TMEM132D: variants seen among roughly 807,000 people sequenced by gnomAD.
The protein encoded by TMEM132D is transmembrane protein 132D.
Under a neutral mutation model 62.3 loss-of-function variants are expected in TMEM132D, and 21 were observed. The ratio of observed to expected loss-of-function variants is 0.34; its 90% CI spans 0.24 to 0.49. TMEM132D has a LOEUF of 0.49. Ranked by LOEUF, TMEM132D falls within the 20% of genes least tolerant of loss-of-function variation. The pLI is 0.99. For missense variants in TMEM132D, 1,346 were observed against 1,402.8 expected, an observed-to-expected ratio of 0.96 and a Z score of 0.65; for synonymous variants, 621 against 575.6, an observed-to-expected ratio of 1.08 and a Z score of -1.13.
At chr12:129,629,096 C>T (rs1045588500) in intron 2 of TMEM132D, among the ~76,000 whole-genome samples, 1 of 152,110 alleles carries the variant, frequency 6.6e-6, no homozygotes, top group East Asian at 1.9e-4. Flanking sequence ...TACCCACCTT[C>T]GTGCCACCCT....
At chr12:129,556,833 T>C (rs1051697095) in intron 2 of TMEM132D, among the ~76,000 whole-genome samples, 1 of 152,186 alleles carries the variant, frequency 6.6e-6, no homozygotes, top group Non-Finnish European at 1.5e-5. Context: ...ACGGTGAAGT[T>C]AGAGAACACT....
intron 1 of TMEM132D, among the ~76,000 whole-genome samples, chr12:129,798,579 C>T (rs1871634542): frequency 6.6e-6 from 1 of 152,158 alleles, no homozygotes; most frequent in Non-Finnish European, 1.5e-5. Flanking sequence ...CTAATGGGTA[C>T]ATGCACTGTG....
At chr12:129,561,117 AT>A (rs1877213773) in intron 2 of TMEM132D, among the ~76,000 whole-genome samples, 1 of 152,188 alleles carries the variant, frequency 6.6e-6, no homozygotes. Context: ...TGGGGACTTA[AT>A]TTGGTTTGCG....
At chr12:129,466,670 T>G (rs1232972041) in intron 3 of TMEM132D, among the ~76,000 whole-genome samples, 2 of 152,308 alleles carry the variant, frequency 1.3e-5, no homozygotes, top group South Asian at 2.1e-4. Context: ...CGACAGGCAC[T>G]TCAGGCTCCA....
chr12:129,429,828 C>T (rs1305525495), intron 3 of TMEM132D, among the ~76,000 whole-genome samples: 17 of 147,734 alleles, frequency 1.2e-4, no homozygotes, highest in African/African-American at 2.7e-4. Context: ...TGAGAACACG[C>T]GGTGTTTGGT....
At chr12:129,865,516 C>T (rs527329465) in intron 1 of TMEM132D, among the ~76,000 whole-genome samples, 12 of 152,262 alleles carry the variant, frequency 7.9e-5, no homozygotes, top group East Asian at 3.9e-4. Flanking sequence ...AACAGTTCTA[C>T]GAACACTCCA....
At chr12:129,787,368 T>C (rs1436772509) in intron 1 of TMEM132D, among the ~76,000 whole-genome samples, 1 of 152,230 alleles carries the variant, frequency 6.6e-6, no homozygotes, top group Admixed American at 6.5e-5. Flanking sequence ...AGAGCATCTC[T>C]GAATTCTAGC....
At chr12:129,176,051 G>C (rs1288804019) in intron 5 of TMEM132D, among the ~76,000 whole-genome samples, 5 of 152,118 alleles carry the variant, frequency 3.3e-5, no homozygotes, top group South Asian at 4.1e-4. Flanking sequence ...GTTTCCTTTG[G>C]TTGAACTTGG....
intron 3 of TMEM132D, among the ~76,000 whole-genome samples, chr12:129,380,842 A>AT (rs879742060): frequency 1.2e-4 from 19 of 152,086 alleles, no homozygotes; most frequent in Admixed American, 6.5e-4. Context: ...TAGAACTAGA[A>AT]TTTTTTTTCA....
chr12:129,117,440 C>G (rs1875928807), intron 5 of TMEM132D, among the ~76,000 whole-genome samples: 1 of 152,132 alleles, frequency 6.6e-6, no homozygotes, highest in Admixed American at 6.6e-5. Context: ...AAAAAAGGAC[C>G]AGTTCAGGTC....
At chr12:129,596,715 C>T (rs1367506640) in intron 2 of TMEM132D, among the ~76,000 whole-genome samples, 1 of 151,994 alleles carries the variant, frequency 6.6e-6, no homozygotes, top group African/African-American at 2.4e-5. Context: ...TCTTCTATTT[C>T]CCCACTCACT....
chr12:129,265,062 G>GA (rs547476870), intron 4 of TMEM132D, among the ~76,000 whole-genome samples: 11 of 151,034 alleles, frequency 7.3e-5, no homozygotes, highest in South Asian at 2.1e-4. Flanking sequence ...ATAACTTATG[G>GA]AAAAAAAAAT....
chr12:129,783,288 T>C (rs1871170605), intron 1 of TMEM132D, among the ~76,000 whole-genome samples: 1 of 152,190 alleles, frequency 6.6e-6, no homozygotes, highest in Admixed American at 6.5e-5. Flanking sequence ...GTGTTGAGCA[T>C]CCATCTACCT....
intron 1 of TMEM132D, among the ~76,000 whole-genome samples, chr12:129,838,834 C>A (rs1462467331): frequency 6.6e-6 from 1 of 152,122 alleles, no homozygotes; most frequent in Admixed American, 6.5e-5. Context: ...ATAAAACTTA[C>A]TGTTGGCAAG....
intron 3 of TMEM132D, among the ~76,000 whole-genome samples, chr12:129,518,748 T>G (rs571372661): frequency 5.3e-5 from 8 of 152,134 alleles, no homozygotes; most frequent in Non-Finnish European, 1.2e-4. Context: ...TACATTTTGC[T>G]TGTGAAACTG....
chr12:129,088,400 G>GA (rs1384944613), intron 5 of TMEM132D, among the ~76,000 whole-genome samples: 1 of 43,440 alleles, frequency 2.3e-5, no homozygotes, highest in South Asian at 7.8e-4. Context: ...CTATGACCGG[G>GA]TGTCCTCCCT....
At chr12:129,411,402 T>C (rs1239118461) in intron 3 of TMEM132D, among the ~76,000 whole-genome samples, 1 of 152,188 alleles carries the variant, frequency 6.6e-6, no homozygotes, top group Admixed American at 6.5e-5. Context: ...AGGATCTCCC[T>C]CTGTTGCCCA....
intron 3 of TMEM132D, among the ~76,000 whole-genome samples, chr12:129,438,598 C>A (rs1287812786): frequency 6.6e-6 from 1 of 152,118 alleles, no homozygotes; most frequent in Non-Finnish European, 1.5e-5. Flanking sequence ...GGTCGGGATA[C>A]TTCTTTTCCT....
chr12:129,223,819 G>A lies in TMEM132D; in HGVS notation c.1300-14156C>T, dbSNP rs193018808. 6.2e-4 allele frequency among the ~76,000 whole-genome samples: 94 copies of A among 152,212 alleles called. 1 individual carries two copies. The highest frequency in any genetic ancestry group is 2.2e-3 in the African/African-American group (90 of 41,536). On this transcript the variant is annotated intron_variant, in intron 4 of 8. Transcript: ENST00000422113. ...AACATAATGAAGTCATCTGTGCTTCGTACAAAGGTTGGATCTCAGAGTTGA... is the reference window on the plus strand; with the variant it reads ...AACATAATGAAGTCATCTGTGCTTCATACAAAGGTTGGATCTCAGAGTTGA...
Sources: allele counts gnomAD v4.1 joint callset (sites outside exome capture counted in the v4.1 genomes callset), GRCh38; gene constraint gnomAD v4.1.1; transcripts MANE v1.5; gene names NCBI Gene and HGNC (gene_info 2026-07-23, HGNC 2026-07-21).